The following KIRREL3 variants were observed in gnomAD, a reference collection of about 807,000 sequenced individuals.
The protein encoded by KIRREL3 is kirre like nephrin family adhesion molecule 3.
KIRREL3 carries 36 observed loss-of-function variants against 89.7 expected under a neutral mutation model. That is an observed-to-expected ratio of 0.40 (90% CI 0.31 to 0.53). The LOEUF (loss-of-function observed/expected upper bound fraction) is 0.53. Ranked by LOEUF, KIRREL3 falls within the 20% of genes least tolerant of loss-of-function variation. The pLI, the probability that KIRREL3 is intolerant of heterozygous loss-of-function variation, is 0.49. For missense variants in KIRREL3, 864 were observed against 1,056.6 expected (o/e 0.82, Z 2.53); for synonymous variants, 445 against 441.4 (o/e 1.01, Z -0.10).
intron 2 of KIRREL3, among the ~76,000 whole-genome samples, chr11:126,556,456 C>T (rs965524968): frequency 2.6e-5 from 4 of 152,046 alleles, no homozygotes; most frequent in African/African-American, 7.2e-5. Flanking sequence ...GTCTGGGCAA[C>T]ATAGTGAGGC....
At chr11:126,973,099 G>GAA (rs763115363) in intron 1 of KIRREL3, among the ~76,000 whole-genome samples, 8,379 of 40,866 alleles carry the variant, frequency 0.21, 301 homozygotes, top group East Asian at 0.28. Context: ...TAAGTTTTGA[G>GAA]GAAAAAAAAA....
intron 1 of KIRREL3, among the ~76,000 whole-genome samples, chr11:126,567,671 A>T (rs1940614405): frequency 6.6e-6 from 1 of 152,204 alleles, no homozygotes; most frequent in South Asian, 2.1e-4. Context: ...GGCGGCCACA[A>T]GTGACAGGAA....
At position 126,788,193 on chromosome 11, in the gene KIRREL3, A is replaced by G. The variant is rs1950537995; in HGVS notation, c.55+212262T>C. ...GGAGTTGGGCTTGGGACAAATGCAC[A>G]ATCTGGAAGGAAATCGTTTCTAACC... On this transcript the variant is annotated intron_variant, in intron 1 of 16. Transcript: ENST00000525144. This position sits in a 1 kb window ranked among gnomAD's most constrained non-coding sequence, Gnocchi z 4.1. 6.6e-6 allele frequency among the ~76,000 whole-genome samples: 1 copy of G among 152,204 alleles called. No homozygotes were observed. The highest frequency in any genetic ancestry group is 1.5e-5 in the Non-Finnish European group (1 of 68,036).
chr11:126,798,224 C>A (rs1815786545), intron 1 of KIRREL3, among the ~76,000 whole-genome samples: 1 of 151,866 alleles, frequency 6.6e-6, no homozygotes, highest in African/African-American at 2.4e-5. Flanking sequence ...TCTCTGAGAT[C>A]CCGGGTGCAC....
chr11:126,968,710 A>G (rs1325879279), intron 1 of KIRREL3, among the ~76,000 whole-genome samples: 1 of 152,204 alleles, frequency 6.6e-6, no homozygotes, highest in East Asian at 1.9e-4. Context: ...TATTTTGCCC[A>G]TTTATAACAC....
At chr11:126,577,539 G>A (rs1223269124) in intron 1 of KIRREL3, among the ~76,000 whole-genome samples, 10 of 148,064 alleles carry the variant, frequency 6.8e-5, no homozygotes, top group African/African-American at 2.5e-4. Context: ...CTGAGGTCAG[G>A]AGATCGAGAC....
intron 4 of KIRREL3, among the ~76,000 whole-genome samples, chr11:126,479,779 C>T (rs138881290): frequency 5.7e-4 from 87 of 152,280 alleles, no homozygotes; most frequent in Non-Finnish European, 1.1e-3. Context: ...TGGAGTTACA[C>T]GATCTTGTTT....
At position 126,797,706 on chromosome 11, in the gene KIRREL3, C is replaced by T. The variant is rs1301906283; in HGVS notation, c.55+202749G>A. ...TGGGTCGATGTATATGAGGAAAGCACAGAATCACATGGTTGAAAAGAACTG... is the reference window on the plus strand; with the variant it reads ...TGGGTCGATGTATATGAGGAAAGCATAGAATCACATGGTTGAAAAGAACTG... On this transcript the variant is annotated intron_variant, in intron 1 of 16. Coordinates refer to ENST00000525144, the MANE Select transcript of KIRREL3 (RefSeq NM_032531.4). This position sits in a 1 kb window ranked among gnomAD's most constrained non-coding sequence, Gnocchi z 4.9. Among the ~76,000 whole-genome samples, 2 of 152,134 alleles carry T rather than the reference C, an allele frequency of 1.3e-5. No homozygotes were observed. Among genetic ancestry groups the T allele is most frequent in the Non-Finnish European group, 2.9e-5 (2 of 68,032 alleles).
intron 1 of KIRREL3, among the ~76,000 whole-genome samples, chr11:126,787,969 T>C (rs1950530780): frequency 1.3e-5 from 2 of 152,240 alleles, no homozygotes; most frequent in Admixed American, 1.3e-4. Context: ...AACTCTATGA[T>C]GTAGCTTCTA....
intron 1 of KIRREL3, among the ~76,000 whole-genome samples, chr11:126,774,351 A>G (rs1348287569): frequency 1.3e-5 from 2 of 152,140 alleles, no homozygotes; most frequent in Admixed American, 6.5e-5. Flanking sequence ...ACCCTCTAGT[A>G]GGTGCCTAGA....
Position 126,776,105 on chromosome 11 carries a change from C to T in KIRREL3, c.56-213193G>A, listed in dbSNP as rs1255570783. Among the ~76,000 whole-genome samples the T allele has an allele frequency of 6.6e-6, 1 of 152,190 alleles. No individual in the cohort carries two copies. Among genetic ancestry groups the T allele is most frequent in the Non-Finnish European group, 1.5e-5 (1 of 68,032 alleles). ...CCTGGGGATTGTGGGGTGACCTTCG[C>T]TGCAGGGGATCCCTGAGTTTCTGCC... is the stretch of plus-strand genomic sequence containing the variant. On this transcript the variant is annotated intron_variant, in intron 1 of 16. Transcript: ENST00000525144. The surrounding 1 kb of genome is among the most constrained non-coding windows in gnomAD (Gnocchi z 4.7).
At chr11:126,448,795 C>T (rs373617045) in intron 8 of KIRREL3, among the ~76,000 whole-genome samples, 5 of 152,286 alleles carry the variant, frequency 3.3e-5, no homozygotes, top group African/African-American at 7.2e-5. Flanking sequence ...GTCATAGCAG[C>T]CCCAGCCAAG....
intron 1 of KIRREL3, among the ~76,000 whole-genome samples, chr11:126,856,470 T>C (rs1944512062): frequency 6.6e-6 from 1 of 150,850 alleles, no homozygotes; most frequent in Non-Finnish European, 1.5e-5. Flanking sequence ...AAGTATAAAA[T>C]TAAAATGAAA....
intron 2 of KIRREL3, among the ~76,000 whole-genome samples, chr11:126,534,479 T>A (rs1937669394): frequency 6.6e-6 from 1 of 152,066 alleles, no homozygotes; most frequent in South Asian, 2.1e-4. Flanking sequence ...GCCTGGAAGG[T>A]AGGTCATGTT....
chr11:126,698,681 TG>T (rs1439620627), intron 1 of KIRREL3, among the ~76,000 whole-genome samples: 2 of 152,158 alleles, frequency 1.3e-5, no homozygotes, highest in East Asian at 3.8e-4. Flanking sequence ...CCGGGAGTGG[TG>T]GGGGAGTGTC....
At position 126,555,981 on chromosome 11, in the gene KIRREL3, A is replaced by G. The variant is rs1939678310; in HGVS notation, c.133+6854T>C. Among the ~76,000 whole-genome samples the G allele has an allele frequency of 6.6e-6, 1 of 152,142 alleles. No individual in the cohort carries two copies. The highest frequency in any genetic ancestry group is 1.5e-5 in the Non-Finnish European group (1 of 68,026). On this transcript the variant is annotated intron_variant, in intron 2 of 16. Coordinates refer to ENST00000525144, the MANE Select transcript of KIRREL3 (RefSeq NM_032531.4). The surrounding 1 kb of genome is among the most constrained non-coding windows in gnomAD (Gnocchi z 4.2). ...GGTCTCAAACTCCTGACCTCAGGTG[A>G]TCCACCTGCCTTGGCCTTTCAAAGT...
intron 1 of KIRREL3, among the ~76,000 whole-genome samples, chr11:126,713,009 A>G (rs1469792903): frequency 6.6e-6 from 1 of 152,158 alleles, no homozygotes; most frequent in African/African-American, 2.4e-5. Flanking sequence ...GCTGGGTGCT[A>G]GGTTCCTCAT....
At chr11:126,839,316 G>A (rs547510068) in intron 1 of KIRREL3, among the ~76,000 whole-genome samples, 77 of 152,332 alleles carry the variant, frequency 5.1e-4, no homozygotes, top group Non-Finnish European at 7.5e-4. Context: ...GACACCCTAT[G>A]AGGCTGCTGA....
Position 126,686,959 on chromosome 11 carries a change from T to A in KIRREL3, c.56-124047A>T, listed in dbSNP as rs190492206. Among the ~76,000 whole-genome samples the A allele has an allele frequency of 2.6e-5, 4 of 152,204 alleles. No homozygotes were observed. The highest frequency in any genetic ancestry group is 2.6e-4 in the Admixed American group (4 of 15,296). Reference sequence around the variant, plus strand: ...GAAGGTCACATTGAGAAGAGTCAAATTCAGAAGGCCTGACAGAGATGACAT... The same window carrying A: ...GAAGGTCACATTGAGAAGAGTCAAAATCAGAAGGCCTGACAGAGATGACAT... On this transcript the variant is annotated intron_variant, in intron 1 of 16. Coordinates refer to ENST00000525144, the MANE Select transcript of KIRREL3 (RefSeq NM_032531.4). The surrounding 1 kb of genome is among the most constrained non-coding windows in gnomAD (Gnocchi z 4.7).
Sources: gnomAD v4.1 joint callset for allele counts (sites outside exome capture counted in the v4.1 genomes callset) on GRCh38, gnomAD v4.1.1 for gene constraint, Gnocchi (gnomAD v3.1) non-coding constraint, MANE v1.5 for transcripts, NCBI Gene and HGNC (gene_info 2026-07-23, HGNC 2026-07-21) for gene names.